CCND2: variants seen among roughly 807,000 people sequenced by gnomAD.
CCND2 encodes the protein G1/S-specific cyclin-D2.
A neutral mutation model predicts 30.2 loss-of-function variants in CCND2; 6 were observed. The observed-to-expected ratio is 0.20, with a 90% CI of 0.11 to 0.39. The LOEUF is 0.39. Ranked by LOEUF, CCND2 falls within the 10% of genes least tolerant of loss-of-function variation. CCND2 has a pLI of 1.00. For missense variants in CCND2, 235 were observed against 373.4 expected, an observed-to-expected ratio of 0.63 and a Z score of 3.06; for synonymous variants, 150 against 153.1, an observed-to-expected ratio of 0.98 and a Z score of 0.15.
chr12:4,294,568 C>T (rs1475700464), intron 4 of CCND2, among the ~76,000 whole-genome samples: 1 of 152,054 alleles, frequency 6.6e-6, no homozygotes, highest in Non-Finnish European at 1.5e-5. Context: ...CTTGGAGATT[C>T]TCTGGTCTGT....
rs544499238 is a variant in CCND2 at position 4,285,435 on chromosome 12, C to T, written c.572-3407C>T. On this transcript the variant is annotated intron_variant, in intron 3 of 4. Transcript: ENST00000261254. This position sits in a 1 kb window ranked among gnomAD's most constrained non-coding sequence, Gnocchi z 4.1. ...TAACAGACTGCTGAGAAATTTGTAC[C>T]TGGTTTTTATTTGTTAAAATAATAT... 2.0e-6 allele frequency: 2 copies of T among 985,104 alleles called. No homozygotes were observed. The highest frequency in any genetic ancestry group is 6.1e-5 in the Admixed American group (1 of 16,290). The allele number at this position is 985,104 out of a possible 1,614,324, so 61.0% of individuals were successfully genotyped here.
chr12:4,296,445 G>A (rs758021525), intron 4 of CCND2, among the ~76,000 whole-genome samples: 6 of 152,268 alleles, frequency 3.9e-5, no homozygotes, highest in African/African-American at 1.2e-4. Context: ...GAACCGCATC[G>A]CTACGCCTAA....
rs1309392744 is a variant in CCND2, at chr12:4,300,493, G to T, written c.*484G>T. ...AATTGAAATAAGGAGGGACATGATG[G>T]GGAAGGAGTACAAAACAATCTCTCA... On this transcript the variant is annotated 3_prime_UTR_variant, in exon 5 of 5. Transcript: ENST00000261254. 1 of 236,264 alleles carries T rather than the reference G, an allele frequency of 4.2e-6. No individual in the cohort carries two copies. The highest frequency in any genetic ancestry group is 2.2e-5 in the African/African-American group (1 of 45,380). The allele number at this position is 236,264 out of a possible 1,614,324, so 14.6% of individuals were successfully genotyped here. A position where few individuals can be genotyped will look rare whatever the true frequency, so the allele number is the denominator to read the frequency against.
At chr12:4,297,570 C>CAAAAAAAAAAAAAAAAAAAA in intron 4 of CCND2, among the ~76,000 whole-genome samples, 1 of 74,786 alleles carries the variant, frequency 1.3e-5, no homozygotes, top group Non-Finnish European at 2.4e-5. Context: ...CACTCTGTCT[C>CAAAAAAAAAAAAAAAAAAAA]AAAAAAAAAA....
At position 4,293,979 on chromosome 12, in the gene CCND2, C is replaced by T. The variant is rs561074702; in HGVS notation, c.720+4989C>T. Among the ~76,000 whole-genome samples, 2 of 152,240 alleles carry T rather than the reference C, an allele frequency of 1.3e-5. No individual in the cohort carries two copies. The highest frequency in any genetic ancestry group is 4.1e-4 in the South Asian group (2 of 4,822). On this transcript the variant is annotated intron_variant, in intron 4 of 4. Coordinates refer to ENST00000261254, the MANE Select transcript of CCND2 (RefSeq NM_001759.4). This position sits in a 1 kb window ranked among gnomAD's most constrained non-coding sequence, Gnocchi z 4.9. ...GTATGCAAGGAAATAAGCCAAACAG[C>T]CTGTGAAGAAAGGAAGAATGAGATA...
Position 4,285,240 on chromosome 12 carries a change from C to T in CCND2, c.572-3602C>T, listed in dbSNP as rs1297560587. 2.3e-5 allele frequency: 22 copies of T among 961,802 alleles called. No homozygotes were observed. The highest frequency in any genetic ancestry group is 3.5e-5 in the African/African-American group (2 of 56,728). The allele number at this position is 961,802 out of a possible 1,614,324, so 59.6% of individuals were successfully genotyped here. ...TTGTCATGAGTCGATCAGAATGGATCGCTGATCGGTTCATTGCCTCTCTCT... is the reference window on the plus strand; with the variant it reads ...TTGTCATGAGTCGATCAGAATGGATTGCTGATCGGTTCATTGCCTCTCTCT... On this transcript the variant is annotated intron_variant, in intron 3 of 4. Coordinates refer to ENST00000261254, the MANE Select transcript of CCND2 (RefSeq NM_001759.4). This position sits in a 1 kb window ranked among gnomAD's most constrained non-coding sequence, Gnocchi z 4.1.
intron 4 of CCND2, among the ~76,000 whole-genome samples, chr12:4,292,229 A>T (rs1565436428): frequency 6.6e-6 from 1 of 152,202 alleles, no homozygotes; most frequent in Non-Finnish European, 1.5e-5. Context: ...CCACGCTATG[A>T]AATGCCCATA....
rs968852486 is a variant in CCND2 at position 4,287,099 on chromosome 12, G to T, written c.572-1743G>T. ...CACTGTTCATGGCGACAGAGAAGGC[G>T]TAGGAGGGGCGGGTGGACAGCAGGC... On this transcript the variant is annotated intron_variant, in intron 3 of 4. Coordinates refer to ENST00000261254, the MANE Select transcript of CCND2 (RefSeq NM_001759.4). The surrounding 1 kb of genome is among the most constrained non-coding windows in gnomAD (Gnocchi z 4.0). Among the ~76,000 whole-genome samples, 3 of 152,220 alleles carry T rather than the reference G, an allele frequency of 2.0e-5. No individual in the cohort carries two copies. The highest frequency in any genetic ancestry group is 4.4e-5 in the Non-Finnish European group (3 of 68,034).
At position 4,299,179 on chromosome 12, in the gene CCND2, G is replaced by A. The variant is rs1864214374; in HGVS notation, c.721-681G>A. ...GTTCGAGGCCAGCCTGGCCAATATGGTGAAACCCTGTCTGTACTAAAAATA... is the reference window on the plus strand; with the variant it reads ...GTTCGAGGCCAGCCTGGCCAATATGATGAAACCCTGTCTGTACTAAAAATA... On this transcript the variant is annotated intron_variant, in intron 4 of 4. Transcript: ENST00000261254. The surrounding 1 kb of genome is among the most constrained non-coding windows in gnomAD (Gnocchi z 5.2). Among the ~76,000 whole-genome samples the A allele has an allele frequency of 1.3e-5, 2 of 152,022 alleles. No homozygotes were observed. The highest frequency in any genetic ancestry group is 4.2e-4 in the South Asian group (2 of 4,814).
In CCND2 at chr12:4,300,666, G is replaced by A; in HGVS notation, c.*657G>A. On this transcript the variant is annotated 3_prime_UTR_variant, in exon 5 of 5. Transcript: ENST00000261254. ...AAAAAGATGTTTTATTTTGCCAGTT[G>A]GACACAGGTGATTGGCTCCTGGGTT... is the stretch of plus-strand genomic sequence containing the variant. The A allele has an allele frequency of 4.3e-6, 1 of 233,730 alleles. No individual in the cohort carries two copies. The highest frequency in any genetic ancestry group is 8.5e-6 in the Non-Finnish European group (1 of 118,076). The allele number at this position is 233,730 out of a possible 1,614,324, so 14.5% of individuals were successfully genotyped here. A position where few individuals can be genotyped will look rare whatever the true frequency, so the allele number is the denominator to read the frequency against.
chr12:4,297,883 G>T, intron 4 of CCND2: 1 of 447,580 alleles, frequency 2.2e-6, no homozygotes, highest in South Asian at 1.6e-5. Context: ...AGGGTGGCAC[G>T]GAGACTCCTG....
rs550289712 is a variant in CCND2 at position 4,277,396 on chromosome 12, C to T, written c.411+1176C>T. On this transcript the variant is annotated intron_variant, in intron 2 of 4. Coordinates refer to ENST00000261254, the MANE Select transcript of CCND2 (RefSeq NM_001759.4). ...AGTAGTTTATTGGGGTGCTTTACCCCGGCTGTACACAGAAAGCCAAGGCAG... is the reference window on the plus strand; with the variant it reads ...AGTAGTTTATTGGGGTGCTTTACCCTGGCTGTACACAGAAAGCCAAGGCAG... 5.3e-5 allele frequency among the ~76,000 whole-genome samples: 8 copies of T among 152,256 alleles called. No homozygotes were observed. In the South Asian group the frequency reaches 1.2e-3, roughly 24 times the overall value.
rs58907719 is a variant in CCND2 at position 4,296,705 on chromosome 12, G to GAA, written c.721-3141_721-3140dup. ...CGATTTAGTCCCTCTGCCTCTTGGG[G>GAA]AAAAAAAAAAAAAAATTGTAAACAT... On this transcript the variant is annotated intron_variant, in intron 4 of 4. Coordinates refer to ENST00000261254, the MANE Select transcript of CCND2 (RefSeq NM_001759.4). 1.4e-3 allele frequency among the ~76,000 whole-genome samples: 179 copies of GAA among 125,506 alleles called. 1 individual carries two copies. Among genetic ancestry groups the GAA allele is most frequent in the Non-Finnish European group, 2.1e-3 (117 of 54,670 alleles). 82.3% of individuals were successfully genotyped at this position (125,506 alleles called of 152,430 possible).
chr12:4,292,766 G>T (rs375453904), intron 4 of CCND2, among the ~76,000 whole-genome samples: 5 of 152,252 alleles, frequency 3.3e-5, no homozygotes, highest in Non-Finnish European at 7.3e-5. Flanking sequence ...CTGTAGGGGG[G>T]ACGTCTATTG....
At chr12:4,283,991 G>A (rs1863987974) in intron 3 of CCND2, among the ~76,000 whole-genome samples, 2 of 152,244 alleles carry the variant, frequency 1.3e-5, no homozygotes, top group Admixed American at 1.3e-4. Context: ...TCTCCAGGAA[G>A]CACAGAGCCC....
In CCND2 at chr12:4,282,447, C is replaced by T. The variant is rs867367346; in HGVS notation, c.571+3528C>T. On this transcript the variant is annotated intron_variant, in intron 3 of 4. Transcript: ENST00000261254. This position sits in a 1 kb window ranked among gnomAD's most constrained non-coding sequence, Gnocchi z 4.3. ...CTACAGGTGTTCCCTCAGATTCCATCGCCAAGTGAGAGGGAGACAGTGGTG... is the reference window on the plus strand; with the variant it reads ...CTACAGGTGTTCCCTCAGATTCCATTGCCAAGTGAGAGGGAGACAGTGGTG... Among the ~76,000 whole-genome samples the T allele has an allele frequency of 2.6e-5, 4 of 152,210 alleles. No homozygotes were observed. The highest frequency in any genetic ancestry group is 1.9e-4 in the East Asian group (1 of 5,198).
chr12:4,280,953 G>A (rs181552683), intron 3 of CCND2, among the ~76,000 whole-genome samples: 6 of 152,328 alleles, frequency 3.9e-5, no homozygotes, highest in South Asian at 2.1e-4. Flanking sequence ...TCCCCCACCC[G>A]TGGCCTTCTT....
In CCND2 at chr12:4,274,254, C is replaced by G. The variant is rs1319470284; in HGVS notation, c.195+19C>G. ...GCTGGAGGTAGGTCGGGGGGTGGCG[C>G]TCGCCAGGAGCCAGGACCCCTCCGG... On this transcript the variant is annotated intron_variant, in intron 1 of 4. Transcript: ENST00000261254. The surrounding 1 kb of genome is among the most constrained non-coding windows in gnomAD (Gnocchi z 7.7). 1 of 1,612,260 alleles carries G rather than the reference C, an allele frequency of 6.2e-7. No individual in the cohort carries two copies. Among genetic ancestry groups the G allele is most frequent in the East Asian group, 2.2e-5 (1 of 44,854 alleles).
At chr12:4,275,483 A>T (rs893343698) in intron 1 of CCND2, 2 of 18,360 alleles carry the variant, frequency 1.1e-4, no homozygotes, top group East Asian at 1.9e-3. Flanking sequence ...TCTCTTCCCC[A>T]CCTCTCCTCA....
Sources: allele counts gnomAD v4.1 joint callset (sites outside exome capture counted in the v4.1 genomes callset), GRCh38; gene constraint gnomAD v4.1.1; non-coding constraint Gnocchi (gnomAD v3.1); transcripts MANE v1.5; gene names NCBI Gene and HGNC (gene_info 2026-07-23, HGNC 2026-07-21).